NRP2: variants seen among roughly 807,000 people sequenced by gnomAD.
NRP2 encodes the protein neuropilin 2.
A neutral mutation model predicts 110.4 loss-of-function variants in NRP2; 52 were observed. The ratio of observed to expected loss-of-function variants is 0.47; its 90% CI spans 0.38 to 0.59. The LOEUF (loss-of-function observed/expected upper bound fraction) is 0.59, where lower values mean the gene tolerates loss of function less well. NRP2 is among the 20% of genes least tolerant of loss of function. The pLI is 0.00. For synonymous variants in NRP2, 508 were observed against 468.9 expected (o/e 1.08, Z -1.08); for missense variants, 1,049 against 1,203.0 (o/e 0.87, Z 1.89).
chr2:205,730,622 G>T (rs569254462), intron 7 of NRP2, among the ~76,000 whole-genome samples: 1 of 152,278 alleles, frequency 6.6e-6, no homozygotes, highest in Non-Finnish European at 1.5e-5. Context: ...GGTGTGCAGG[G>T]AAGGAAGAGG....
chr2:205,783,572 G>A (rs1451592905), intron 15 of NRP2, among the ~76,000 whole-genome samples: 1 of 152,234 alleles, frequency 6.6e-6, no homozygotes, highest in African/African-American at 2.4e-5. Context: ...GGCCCCAAGA[G>A]GGGCAGACCT....
Position 205,776,903 on chromosome 2 carries a change from A to C in NRP2, c.2425+10100A>C, listed in dbSNP as rs188472729. The C allele has an allele frequency of 4.7e-4, 563 of 1,199,486 alleles. 11 individuals are homozygous for C. In the Admixed American group the frequency reaches 0.02, roughly 42 times the overall value. 74.3% of individuals were successfully genotyped at this position (1,199,486 alleles called of 1,614,324 possible). On this transcript the variant is annotated intron_variant, in intron 15 of 16. Coordinates refer to ENST00000357785, the MANE Select transcript of NRP2 (RefSeq NM_003872.3). ...TCCTCTCAGTGGGCAGTCTGCCAGG[A>C]GACGTGAGGGGAAGCCTGGATCTGT...
chr2:205,735,244 T>C (rs937512271), intron 7 of NRP2, among the ~76,000 whole-genome samples: 5 of 152,074 alleles, frequency 3.3e-5, no homozygotes, highest in African/African-American at 1.2e-4. Flanking sequence ...GAAAAATTCC[T>C]CTGCCTAGAG....
At chr2:205,785,638 C>T (rs944079133) in intron 15 of NRP2, among the ~76,000 whole-genome samples, 22 of 152,176 alleles carry the variant, frequency 1.4e-4, no homozygotes, top group African/African-American at 4.8e-4. Context: ...AATTGTGAAG[C>T]CTATCTTTAT....
intron 2 of NRP2, 28 bp downstream of exon 2, chr2:205,697,749 T>A: frequency 6.2e-7 from 1 of 1,611,444 alleles, no homozygotes; most frequent in South Asian, 1.1e-5. Context: ...CCACTGTGTA[T>A]CCCATCCATG....
At chr2:205,747,163 A>T (rs1324174146) in intron 10 of NRP2, among the ~76,000 whole-genome samples, 1 of 152,156 alleles carries the variant, frequency 6.6e-6, no homozygotes, top group Non-Finnish European at 1.5e-5. Flanking sequence ...TCTGCCCATG[A>T]TACACAATTT....
chr2:205,700,550 C>T (rs1032461761), intron 2 of NRP2, among the ~76,000 whole-genome samples: 1 of 152,190 alleles, frequency 6.6e-6, no homozygotes, highest in Non-Finnish European at 1.5e-5. Context: ...GGAAACAGGG[C>T]CCTGATATGA....
intron 1 of NRP2, among the ~76,000 whole-genome samples, chr2:205,685,564 G>T (rs1381338810): frequency 6.6e-6 from 1 of 152,212 alleles, no homozygotes; most frequent in African/African-American, 2.4e-5. Flanking sequence ...CGGCGGTCGC[G>T]GCGCGCGGCA....
In NRP2 at chr2:205,683,202, T is replaced by G; in HGVS notation, c.-89T>G. Reference sequence around the variant, plus strand: ...CATTAGAAACCTCTGCATAAGACGTTGTAAGGAGGAAAATAAAAGAGAGAA... The same window carrying G: ...CATTAGAAACCTCTGCATAAGACGTGGTAAGGAGGAAAATAAAAGAGAGAA... On this transcript the variant is annotated 5_prime_UTR_variant, in exon 1 of 17. Coordinates refer to ENST00000357785, the MANE Select transcript of NRP2 (RefSeq NM_003872.3). The G allele has an allele frequency of 1.0e-6, 1 of 972,924 alleles. No homozygotes were observed. Among genetic ancestry groups the G allele is most frequent in the South Asian group, 1.4e-5 (1 of 72,634 alleles). The allele number at this position is 972,924 out of a possible 1,614,324, so 60.3% of individuals were successfully genotyped here.
intron 6 of NRP2, among the ~76,000 whole-genome samples, chr2:205,727,532 A>C (rs2105825800): frequency 1.3e-5 from 2 of 152,278 alleles, no homozygotes; most frequent in East Asian, 3.9e-4. Context: ...AGTAGATTCA[A>C]CCTTGTTTCT....
intron 2 of NRP2, chr2:205,697,982 A>G (rs952498869): frequency 1.2e-5 from 6 of 507,228 alleles, no homozygotes; most frequent in African/African-American, 9.6e-5. Flanking sequence ...CCGGTAGTGG[A>G]GGAGAATTTC....
At chr2:205,719,417 G>C (rs1451117536) in intron 3 of NRP2, among the ~76,000 whole-genome samples, 1 of 144,108 alleles carries the variant, frequency 6.9e-6, no homozygotes, top group Non-Finnish European at 1.5e-5. Context: ...GGGTAAGCCA[G>C]AACAACTTAC....
Position 205,796,706 on chromosome 2 carries a change from A to G in NRP2, c.*1648A>G, listed in dbSNP as rs765255845. 6.6e-6 allele frequency: 1 copy of G among 152,640 alleles called. No individual in the cohort carries two copies. The highest frequency in any genetic ancestry group is 1.5e-5 in the Non-Finnish European group (1 of 68,034). 9.5% of individuals were successfully genotyped at this position (152,640 alleles called of 1,614,324 possible). On this transcript the variant is annotated 3_prime_UTR_variant, in exon 17 of 17. Coordinates refer to ENST00000357785, the MANE Select transcript of NRP2 (RefSeq NM_003872.3). ...CTCTTCAAAGGGAGGCATCAGGAAT[A>G]GAATGAAACTGTGTGAAGGATAAGA...
chr2:205,687,483 A>G (rs1405877401), intron 1 of NRP2, among the ~76,000 whole-genome samples: 2 of 152,190 alleles, frequency 1.3e-5, no homozygotes, highest in African/African-American at 4.8e-5. Flanking sequence ...AGCTGTGGCC[A>G]GTTGCCAGCA....
intron 15 of NRP2, among the ~76,000 whole-genome samples, chr2:205,791,107 G>T (rs1395693164): frequency 2.0e-5 from 3 of 152,226 alleles, no homozygotes; most frequent in Admixed American, 2.0e-4. Context: ...TCAGATCATG[G>T]TCAAGTAGAT....
At chr2:205,739,724 A>G (rs1237708418) in intron 7 of NRP2, among the ~76,000 whole-genome samples, 1 of 146,588 alleles carries the variant, frequency 6.8e-6, no homozygotes, top group East Asian at 2.0e-4. Flanking sequence ...ACAAAAAAGC[A>G]TAAGGTCCAT....
intron 1 of NRP2, among the ~76,000 whole-genome samples, chr2:205,696,949 A>T (rs924087208): frequency 2.6e-5 from 4 of 152,134 alleles, no homozygotes; most frequent in Non-Finnish European, 5.9e-5. Flanking sequence ...TTTTCTTAAA[A>T]AAAAATTTAA....
At chr2:205,689,271 C>T (rs1663365510) in intron 1 of NRP2, among the ~76,000 whole-genome samples, 1 of 152,246 alleles carries the variant, frequency 6.6e-6, no homozygotes, top group African/African-American at 2.4e-5. Flanking sequence ...CAGCCACTTG[C>T]TGGCTCTGTG....
intron 15 of NRP2, among the ~76,000 whole-genome samples, chr2:205,786,279 T>C (rs546257191): frequency 2.0e-5 from 3 of 152,202 alleles, no homozygotes; most frequent in Non-Finnish European, 4.4e-5. Flanking sequence ...GTTATTTATC[T>C]TTTACTGAGG....
Sources: gnomAD v4.1 joint callset for allele counts (sites outside exome capture counted in the v4.1 genomes callset) on GRCh38, gnomAD v4.1.1 for gene constraint, MANE v1.5 for transcripts, NCBI Gene and HGNC (gene_info 2026-07-23, HGNC 2026-07-21) for gene names.